The following GABRG1 variants were observed in gnomAD, a reference collection of about 807,000 sequenced individuals.
The protein encoded by GABRG1 is gamma-aminobutyric acid receptor subunit gamma-1.
Under a neutral mutation model 49.8 loss-of-function variants are expected in GABRG1, and 49 were observed. The ratio of observed to expected loss-of-function variants is 0.98; its 90% CI spans 0.78 to 1.25. The LOEUF is 1.25. GABRG1 is among the 50% of genes most tolerant of loss of function. The pLI, the probability that GABRG1 is intolerant of heterozygous loss-of-function variation, is 0.00. For missense variants in GABRG1, 552 were observed against 552.3 expected, an observed-to-expected ratio of 1.00 and a Z score of 0.01; for synonymous variants, 232 against 185.1, an observed-to-expected ratio of 1.25 and a Z score of -2.06.
At chr4:46,063,950 C>G (rs1478436771) in intron 5 of GABRG1, among the ~76,000 whole-genome samples, 2 of 152,080 alleles carry the variant, frequency 1.3e-5, no homozygotes, top group Admixed American at 6.6e-5. Flanking sequence ...TTAATTAAAT[C>G]AACTTATTTC....
chr4:46,108,944 A>G (rs1182065375), intron 1 of GABRG1, among the ~76,000 whole-genome samples: 2 of 151,090 alleles, frequency 1.3e-5, no homozygotes, highest in Non-Finnish European at 3.0e-5. Flanking sequence ...TCTATTATCA[A>G]TACAACACCC....
chr4:46,079,841 T>C (rs998084542), intron 3 of GABRG1, among the ~76,000 whole-genome samples: 4 of 152,034 alleles, frequency 2.6e-5, no homozygotes, highest in Middle Eastern at 3.4e-3. Flanking sequence ...AGAGTAAAGA[T>C]ACATAATATC....
chr4:46,053,978 G>C (rs1718345905), intron 7 of GABRG1, among the ~76,000 whole-genome samples: 1 of 109,242 alleles, frequency 9.2e-6, no homozygotes, highest in Non-Finnish European at 1.9e-5. Flanking sequence ...TCCTACAATA[G>C]TCTCCCATCG....
intron 1 of GABRG1, among the ~76,000 whole-genome samples, chr4:46,118,108 A>G (rs976294459): frequency 3.7e-5 from 5 of 136,554 alleles, no homozygotes; most frequent in Admixed American, 2.2e-4. Context: ...ATGTGTGTAT[A>G]TATACATATA....
chr4:46,047,275 A>T (rs1718036151), intron 8 of GABRG1, among the ~76,000 whole-genome samples: 1 of 152,086 alleles, frequency 6.6e-6, no homozygotes, highest in South Asian at 2.1e-4. Context: ...TTTTGTTCTC[A>T]CATGTAAGGC....
At chr4:46,048,816 A>G (rs1718105592) in intron 8 of GABRG1, among the ~76,000 whole-genome samples, 1 of 151,942 alleles carries the variant, frequency 6.6e-6, no homozygotes, top group African/African-American at 2.4e-5. Context: ...GTAAGTTAAA[A>G]CGGGTGTTTA....
chr4:46,123,799 A>G lies in GABRG1; in HGVS notation c.104+11T>C, dbSNP rs758080917. 1.4e-5 allele frequency: 23 copies of G among 1,597,328 alleles called. No homozygotes were observed. Among genetic ancestry groups the G allele is most frequent in the Non-Finnish European group, 1.9e-5 (22 of 1,165,062 alleles). ...AGCAAAGAATAGTTTTAAACCCCTG[A>G]ATTTACTCACCAGTTTCCCAAATGC... On this transcript the variant is annotated intron_variant, in intron 1 of 8. Coordinates refer to ENST00000295452, the MANE Select transcript of GABRG1 (RefSeq NM_173536.4).
At chr4:46,107,667 C>T (rs1720595728) in intron 1 of GABRG1, among the ~76,000 whole-genome samples, 1 of 150,802 alleles carries the variant, frequency 6.6e-6, no homozygotes, top group African/African-American at 2.4e-5. Flanking sequence ...TTGACATTGC[C>T]TTTGGAGATA....
At chr4:46,089,651 C>T (rs900579373) in intron 2 of GABRG1, among the ~76,000 whole-genome samples, 3 of 151,984 alleles carry the variant, frequency 2.0e-5, no homozygotes, top group Non-Finnish European at 4.4e-5. Context: ...ATAGAATCTA[C>T]TTGTAAAGTT....
intron 7 of GABRG1, among the ~76,000 whole-genome samples, chr4:46,056,146 TAAATTAAAAA>T (rs1718425790): frequency 1.8e-4 from 1 of 5,684 alleles, no homozygotes; most frequent in African/African-American, 1.2e-3. Flanking sequence ...AATAAATAAA[TAAATTAAAAA>T]AAAAAAAAAA....
At chr4:46,041,687 T>C (rs2109390953) in intron 8 of GABRG1, among the ~76,000 whole-genome samples, 1 of 152,038 alleles carries the variant, frequency 6.6e-6, no homozygotes, top group African/African-American at 2.4e-5. Context: ...ATGCAAAAGG[T>C]TTGTGAAGAT....
chr4:46,077,047 A>G (rs1719373089), intron 3 of GABRG1, among the ~76,000 whole-genome samples: 1 of 150,626 alleles, frequency 6.6e-6, no homozygotes, highest in East Asian at 2.0e-4. Flanking sequence ...AAGTAATGAC[A>G]TAGTATATCA....
At chr4:46,089,666 A>T (rs1719909607) in intron 2 of GABRG1, among the ~76,000 whole-genome samples, 1 of 152,082 alleles carries the variant, frequency 6.6e-6, no homozygotes, top group Non-Finnish European at 1.5e-5. Context: ...AAAGTTGTTA[A>T]GAAGTAGGAA....
chr4:46,095,931 G>A (rs1330746849), intron 2 of GABRG1, among the ~76,000 whole-genome samples: 1 of 151,696 alleles, frequency 6.6e-6, no homozygotes, highest in East Asian at 1.9e-4. Flanking sequence ...CAGATATGAA[G>A]CCCATTACCC....
intron 3 of GABRG1, among the ~76,000 whole-genome samples, chr4:46,070,286 ATATAAC>A (rs1046964717): frequency 3.3e-5 from 5 of 152,000 alleles, no homozygotes; most frequent in African/African-American, 9.7e-5. Context: ...TACTGGAAAT[ATATAAC>A]TATATTTCCA....
At chr4:46,041,817 G>T (rs1717797934) in intron 8 of GABRG1, among the ~76,000 whole-genome samples, 1 of 151,874 alleles carries the variant, frequency 6.6e-6, no homozygotes, top group Non-Finnish European at 1.5e-5. Context: ...TTCAAATTCT[G>T]CTCATTCTAC....
Position 46,123,802 on chromosome 4 carries a change from T to G in GABRG1, c.104+8A>C. The G allele has an allele frequency of 6.2e-7, 1 of 1,603,620 alleles. No homozygotes were observed. Among genetic ancestry groups the G allele is most frequent in the African/African-American group, 1.3e-5 (1 of 74,622 alleles). On this transcript the variant is annotated splice_region_variant and intron_variant, in intron 1 of 8. Coordinates refer to ENST00000295452, the MANE Select transcript of GABRG1 (RefSeq NM_173536.4). ...AAAGAATAGTTTTAAACCCCTGAAT[T>G]TACTCACCAGTTTCCCAAATGCAGG...
Position 46,040,975 on chromosome 4 carries a change from T to TA in GABRG1, c.*12dup, listed in dbSNP as rs779832847. On this transcript the variant is annotated 3_prime_UTR_variant, in exon 9 of 9. Transcript: ENST00000295452. ...AGTCAGACTTCTTTTGATTTTTGCTTATGAAGTAGATTTTATAAGTAAAGA... is the reference window on the plus strand; with the variant it reads ...AGTCAGACTTCTTTTGATTTTTGCTTAATGAAGTAGATTTTATAAGTAAAGA... 1 of 1,598,340 alleles carries TA rather than the reference T, an allele frequency of 6.3e-7. No individual in the cohort carries two copies. The highest frequency in any genetic ancestry group is 1.1e-5 in the South Asian group (1 of 88,788).
At chr4:46,079,709 T>C (rs1719495929) in intron 3 of GABRG1, among the ~76,000 whole-genome samples, 1 of 151,896 alleles carries the variant, frequency 6.6e-6, no homozygotes, top group Non-Finnish European at 1.5e-5. Flanking sequence ...ATACCCATAA[T>C]ATCATCTTGA....
Sources: gnomAD v4.1 joint callset for allele counts (sites outside exome capture counted in the v4.1 genomes callset) on GRCh38, gnomAD v4.1.1 for gene constraint, MANE v1.5 for transcripts, NCBI Gene and HGNC (gene_info 2026-07-23, HGNC 2026-07-21) for gene names.